The following PRSS23 variants were observed in gnomAD, a reference collection of about 807,000 sequenced individuals.
PRSS23 encodes protease, serine 23.
In PRSS23, 25 loss-of-function variants were observed where a neutral mutation model predicts 34.7. The observed-to-expected ratio is 0.72, with a 90% confidence interval of 0.53 to 1.01. The LOEUF (loss-of-function observed/expected upper bound fraction) is 1.01. Among genes scored for constraint, PRSS23 ranks in the 50% least tolerant of loss-of-function variants. The pLI is 0.00. For missense variants in PRSS23, 445 were observed against 475.6 expected, an observed-to-expected ratio of 0.94 and a Z score of 0.60; for synonymous variants, 176 against 186.6, an observed-to-expected ratio of 0.94 and a Z score of 0.46.
At chr11:86,938,446 T>A (rs1302968191) in intron 2 of PRSS23, among the ~76,000 whole-genome samples, 1 of 151,998 alleles carries the variant, frequency 6.6e-6, no homozygotes, top group Non-Finnish European at 1.5e-5. Flanking sequence ...TGAAAGAGCC[T>A]CCTGGCTCAG....
chr11:86,902,363 T>C (rs1360839701), intron 2 of PRSS23, among the ~76,000 whole-genome samples: 1 of 152,196 alleles, frequency 6.6e-6, no homozygotes, highest in African/African-American at 2.4e-5. Context: ...GACTAGGCAT[T>C]GGTACTTAAT....
chr11:86,865,811 C>T (rs186600550), intron 2 of PRSS23, among the ~76,000 whole-genome samples: 5 of 152,332 alleles, frequency 3.3e-5, no homozygotes. Context: ...ACTAAGCAGA[C>T]AGCTAATTGC....
chr11:86,879,634 G>T (rs1590909742), intron 2 of PRSS23, among the ~76,000 whole-genome samples: 1 of 126,174 alleles, frequency 7.9e-6, no homozygotes, highest in South Asian at 2.8e-4. Flanking sequence ...GAAGTGAGGA[G>T]CCCCTCTGCC....
intron 2 of PRSS23, among the ~76,000 whole-genome samples, chr11:86,922,363 C>T (rs1949052238): frequency 6.6e-6 from 1 of 152,046 alleles, no homozygotes; most frequent in Non-Finnish European, 1.5e-5. Flanking sequence ...TGACCAGGTA[C>T]AGTGGCTCTT....
intron 1 of PRSS23, among the ~76,000 whole-genome samples, chr11:86,801,587 C>G (rs1327684565): frequency 6.6e-6 from 1 of 152,224 alleles, no homozygotes; most frequent in Non-Finnish European, 1.5e-5. Flanking sequence ...CCAGAATCCT[C>G]ATCACATGGT....
intron 2 of PRSS23, among the ~76,000 whole-genome samples, chr11:86,926,474 A>G (rs919557958): frequency 2.0e-5 from 3 of 152,226 alleles, no homozygotes; most frequent in African/African-American, 7.2e-5. Context: ...CACCTGAAAG[A>G]GTTTAAATAA....
chr11:86,842,463 TATTCA>T lies in PRSS23; in HGVS notation c.206+18874_206+18878del, dbSNP rs1948455983. ...TCAGGCAAGAGAAAGAAATAAAGGG[TATTCA>T]ATTAGGAAAAGAGGAAGTCAAATTC... is the stretch of plus-strand genomic sequence containing the variant. On this transcript the variant is annotated intron_variant, in intron 2 of 2. Transcript: ENST00000533902. Among the ~76,000 whole-genome samples the T allele has an allele frequency of 2.6e-5, 4 of 152,250 alleles. No individual in the cohort carries two copies. In the South Asian group the frequency reaches 8.3e-4, roughly 32 times the overall value.
chr11:86,907,638 T>C (rs1948952380), intron 2 of PRSS23, among the ~76,000 whole-genome samples: 1 of 152,094 alleles, frequency 6.6e-6, no homozygotes, highest in Admixed American at 6.6e-5. Flanking sequence ...TTTTGTATTT[T>C]TCGTAGAGAC....
downstream of PRSS23, among the ~76,000 whole-genome samples, chr11:86,811,544 G>T (rs2135605564): frequency 6.6e-6 from 1 of 152,352 alleles, no homozygotes; most frequent in South Asian, 2.1e-4. Flanking sequence ...AAAGGAGATA[G>T]TGTTTTTAAA....
chr11:86,794,630 C>T (rs1947969755), intron 1 of PRSS23, among the ~76,000 whole-genome samples: 1 of 151,936 alleles, frequency 6.6e-6, no homozygotes, highest in Non-Finnish European at 1.5e-5. Context: ...GCCTGACTAC[C>T]TATGTTTCCA....
At position 86,808,149 on chromosome 11, in the gene PRSS23, A is replaced by G; in HGVS notation, c.506A>G (p.His169Arg). The change falls in exon 2 of 2, where the codon CAT becomes CGT. Residue 169 changes from histidine (H) to arginine (R), a missense_variant. By Grantham distance (29) the His-to-Arg change is conservative. Coordinates refer to ENST00000280258, the MANE Select transcript of PRSS23 (RefSeq NM_007173.6). ...GCTGTLVAEK[H>R]VLTAAHCIHD... ...ACCGGCACCCTGGTGGCAGAGAAGC[A>G]TGTCCTCACAGCTGCCCACTGCATA... is the stretch of plus-strand genomic sequence containing the variant. The G allele has an allele frequency of 1.9e-6, 3 of 1,614,192 alleles. No individual in the cohort carries two copies. Among genetic ancestry groups the G allele is most frequent in the Non-Finnish European group, 2.5e-6 (3 of 1,180,024 alleles).
chr11:86,920,554 A>C (rs1949041427), intron 2 of PRSS23, among the ~76,000 whole-genome samples: 1 of 152,224 alleles, frequency 6.6e-6, no homozygotes, highest in Non-Finnish European at 1.5e-5. Flanking sequence ...TGTTTGACAG[A>C]GAACAGGACA....
At chr11:86,825,960 G>A (rs1362791055) in intron 2 of PRSS23, among the ~76,000 whole-genome samples, 1 of 152,214 alleles carries the variant, frequency 6.6e-6, no homozygotes, top group Non-Finnish European at 1.5e-5. Flanking sequence ...ACTTGGCAAT[G>A]CGGGATCTTT....
intron 2 of PRSS23, among the ~76,000 whole-genome samples, chr11:86,833,951 C>T (rs553496691): frequency 2.4e-4 from 36 of 152,304 alleles, no homozygotes; most frequent in Admixed American, 2.2e-3. Context: ...ATGTCATTAA[C>T]ATCAGAGCAT....
At chr11:86,843,356 C>T (rs1422487655) in intron 2 of PRSS23, among the ~76,000 whole-genome samples, 3 of 152,106 alleles carry the variant, frequency 2.0e-5, no homozygotes, top group Admixed American at 6.5e-5. Flanking sequence ...AGGACATAGG[C>T]GTGGGCAAAG....
downstream of PRSS23, among the ~76,000 whole-genome samples, chr11:86,814,728 T>C (rs539617087): frequency 5.3e-5 from 8 of 152,250 alleles, no homozygotes; most frequent in Admixed American, 3.3e-4. Flanking sequence ...GAATGAGGGA[T>C]TGATTAACTG....
At chr11:86,897,269 T>A (rs911147525) in intron 2 of PRSS23, among the ~76,000 whole-genome samples, 3 of 152,204 alleles carry the variant, frequency 2.0e-5, no homozygotes, top group African/African-American at 7.2e-5. Context: ...GCTTTTTTTA[T>A]TTTAAATTTC....
At position 86,852,957 on chromosome 11, in the gene PRSS23, G is replaced by A. The variant is rs1394654951; in HGVS notation, c.206+29364G>A. Among the ~76,000 whole-genome samples the A allele has an allele frequency of 6.6e-5, 10 of 152,234 alleles. No individual in the cohort carries two copies. The East Asian group carries it at 1.7e-3, about 26-fold the overall frequency. On this transcript the variant is annotated intron_variant, in intron 2 of 2. Transcript: ENST00000533902. Reference sequence around the variant, plus strand: ...CAACCTCCACATCGTGGGTTCAAGCGATTCTTGTGTCTCAGTCTCCGGAGT... The same window carrying A: ...CAACCTCCACATCGTGGGTTCAAGCAATTCTTGTGTCTCAGTCTCCGGAGT...
intron 2 of PRSS23, among the ~76,000 whole-genome samples, chr11:86,859,497 A>G (rs1948597687): frequency 6.6e-6 from 1 of 152,000 alleles, no homozygotes; most frequent in South Asian, 2.1e-4. Context: ...TGTTCCTAAT[A>G]TCCAGGGGGA....
Sources: gnomAD v4.1 joint callset for allele counts (sites outside exome capture counted in the v4.1 genomes callset) on GRCh38, gnomAD v4.1.1 for gene constraint, MANE v1.5 for transcripts, NCBI Gene and HGNC (gene_info 2026-07-23, HGNC 2026-07-21) for gene names.